The following PIEZO1 variants were observed in gnomAD, a reference collection of about 807,000 sequenced individuals.
The protein encoded by PIEZO1 is piezo-type mechanosensitive ion channel component 1.
Under a neutral mutation model 297.2 loss-of-function variants are expected in PIEZO1, and 296 were observed. The observed-to-expected ratio is 1.00, with a 90% confidence interval of 0.91 to 1.10. The LOEUF is 1.10. Ranked by LOEUF, PIEZO1 falls within the 50% of genes least tolerant of loss-of-function variation. The probability of loss-of-function intolerance (pLI) is 0.00; values close to 1 mark genes in which losing one functional copy is unlikely to be tolerated. For synonymous variants in PIEZO1, 2,427 were observed against 1,507.5 expected (o/e 1.61, Z -14.13); for missense variants, 5,018 against 3,455.5 (o/e 1.45, Z -11.34).
chr16:88,734,005 G>A lies in PIEZO1; in HGVS notation c.2230C>T (p.His744Tyr). The change falls in exon 17 of 51, where the codon CAT (histidine) becomes TAT (tyrosine). Residue 744 changes from histidine (H) to tyrosine (Y), a missense_variant. Coordinates refer to ENST00000301015, the MANE Select transcript of PIEZO1 (RefSeq NM_001142864.4). The part of the protein sequence containing the change: ...TPLLREEQQE[H>Y]QQQQQEEEEE... ...TCCTCCTCCTGCTGCTGCTGCTGATGCTCCTGCTGCTCCTCCCGCAGCAGT... is the reference window on the plus strand; with the variant it reads ...TCCTCCTCCTGCTGCTGCTGCTGATACTCCTGCTGCTCCTCCCGCAGCAGT... The A allele has an allele frequency of 6.5e-7, 1 of 1,547,158 alleles. No individual in the cohort carries two copies. The highest frequency in any genetic ancestry group is 8.7e-7 in the Non-Finnish European group (1 of 1,144,524).
chr16:88,738,019 A>G lies in PIEZO1; in HGVS notation c.935T>C (p.Val312Ala), dbSNP rs1321119221. The change falls in exon 8 of 51, where the codon GTG becomes GCG. Residue 312 changes from valine (V) to alanine (A), a missense_variant. Physicochemically the swap from Val to Ala is moderately conservative, Grantham distance 64. Coordinates refer to ENST00000301015, the MANE Select transcript of PIEZO1 (RefSeq NM_001142864.4). Reference sequence around the variant, plus strand: ...CAGGAGGACGCCGGGGCTGGCATACACAGGCCAGTCCAGGCCGGTGTTGAG... The same window carrying G: ...CAGGAGGACGCCGGGGCTGGCATACGCAGGCCAGTCCAGGCCGGTGTTGAG... The part of the protein sequence containing the change: ...LVLNTGLDWP[V>A]YASPGVLLLL... 7.2e-6 allele frequency: 11 copies of G among 1,535,660 alleles called. No homozygotes were observed. The highest frequency in any genetic ancestry group is 3.3e-4 in the Middle Eastern group (2 of 5,988).
chr16:88,718,313 A>G (rs900390730), intron 44 of PIEZO1: 2 of 152,786 alleles, frequency 1.3e-5, no homozygotes, highest in African/African-American at 2.4e-5. Context: ...TGGAGCTGCT[A>G]TGGAAAACCA....
intron 1 of PIEZO1, among the ~76,000 whole-genome samples, chr16:88,760,712 C>T (rs960941757): frequency 2.7e-5 from 4 of 146,496 alleles, no homozygotes; most frequent in Admixed American, 6.8e-5. Context: ...CCGCCTTTGA[C>T]GCAGCAGCAC....
At chr16:88,750,260 C>T (rs1055695847) in intron 1 of PIEZO1, among the ~76,000 whole-genome samples, 3 of 151,724 alleles carry the variant, frequency 2.0e-5, no homozygotes, top group South Asian at 2.1e-4. Context: ...CGCTTGAACC[C>T]GGGAGGTGGA....
rs767677400 is a variant in PIEZO1 at position 88,721,774 on chromosome 16, G to A, written c.5214+34C>T. The A allele has an allele frequency of 5.9e-6, 9 of 1,535,998 alleles. No individual in the cohort carries two copies. In the African/African-American group the frequency reaches 1.1e-4, roughly 19 times the overall value. ...CGCGGGGAGGGTCACGGCGCGGTGG[G>A]CCGGGCGCCCCCTCCCCCGCGGCCT... On this transcript the variant is annotated intron_variant, in intron 37 of 50. Coordinates refer to ENST00000301015, the MANE Select transcript of PIEZO1 (RefSeq NM_001142864.4).
Position 88,721,722 on chromosome 16 carries a change from G to A in PIEZO1, c.5219C>T (p.Ala1740Val), listed in dbSNP as rs998712810. The change falls in exon 38 of 51, where the codon GCG (alanine) becomes GTG (valine). Residue 1740 changes from alanine (A) to valine (V), a missense_variant. Ala to Val is a moderately conservative substitution (Grantham distance 64). Coordinates refer to ENST00000301015, the MANE Select transcript of PIEZO1 (RefSeq NM_001142864.4). ...WMTAIVFTEIAVVVKYLFQFG... is the reference protein window; with the variant it reads ...WMTAIVFTEIVVVVKYLFQFG... ...CTGGAACAGGTACTTGACGACCACC[G>A]CGATCTGTGGGGGAGGGGGCTCAGC... 28 of 1,540,872 alleles carry A rather than the reference G, an allele frequency of 1.8e-5. No homozygotes were observed. Among genetic ancestry groups the A allele is most frequent in the Middle Eastern group, 1.7e-4 (1 of 5,904 alleles).
chr16:88,732,818 G>C, intron 19 of PIEZO1, 86 bp from the exon 20 acceptor site: 1 of 1,356,912 alleles, frequency 7.4e-7, no homozygotes, highest in Non-Finnish European at 9.9e-7. Flanking sequence ...CACAGCTCTG[G>C]GGCAGGTCCA....
In PIEZO1 at chr16:88,725,497, G is replaced by C. The variant is rs1403720803; in HGVS notation, c.4081C>G (p.Gln1361Glu). 1 of 1,529,026 alleles carries C rather than the reference G, an allele frequency of 6.5e-7. No individual in the cohort carries two copies. The highest frequency in any genetic ancestry group is 8.8e-7 in the Non-Finnish European group (1 of 1,134,334). The allele number at this position is 1,529,026 out of a possible 1,614,324, so 94.7% of individuals were successfully genotyped here. A position where few individuals can be genotyped will look rare whatever the true frequency, so the allele number is the denominator to read the frequency against. Residue 1361 changes from glutamine to glutamate, a missense_variant, in exon 29 of 51, where the codon CAG becomes GAG. Physicochemically the swap from Gln to Glu is conservative, Grantham distance 29. Transcript: ENST00000301015. Reference protein sequence around the residue: ...KRQMERIRAKQEKHRQGRVDR... With the variant: ...KRQMERIRAKEEKHRQGRVDR... Reference sequence around the variant, plus strand: ...ACCCGGCCCTGCCTGTGCTTCTCCTGCTTGGCACGGATACGCTCCATCCTG... The same window carrying C: ...ACCCGGCCCTGCCTGTGCTTCTCCTCCTTGGCACGGATACGCTCCATCCTG...
At chr16:88,743,589 C>T (rs1180739368) in intron 2 of PIEZO1, 1 of 456,552 alleles carries the variant, frequency 2.2e-6, no homozygotes, top group Non-Finnish European at 4.4e-6. Flanking sequence ...CCACTCTGTT[C>T]AGTTTTTTGA....
intron 1 of PIEZO1, among the ~76,000 whole-genome samples, chr16:88,752,623 G>C (rs1337461500): frequency 6.6e-6 from 1 of 152,160 alleles, no homozygotes; most frequent in Admixed American, 6.5e-5. Flanking sequence ...GCTGAGGATG[G>C]AGATGAGGGA....
chr16:88,764,959 G>A (rs544930156), intron 1 of PIEZO1, among the ~76,000 whole-genome samples: 2 of 152,218 alleles, frequency 1.3e-5, no homozygotes, highest in East Asian at 1.9e-4. Context: ...AAAACCTCCC[G>A]GTAGCCGCCT....
At chr16:88,778,710 C>T (rs1907789323) in intron 1 of PIEZO1, among the ~76,000 whole-genome samples, 1 of 152,174 alleles carries the variant, frequency 6.6e-6, no homozygotes. Flanking sequence ...TCCCTGCAAC[C>T]CAGCGTCCAC....
At chr16:88,748,958 C>T in intron 2 of PIEZO1, among the ~76,000 whole-genome samples, 2 of 125,214 alleles carry the variant, frequency 1.6e-5, no homozygotes, top group Non-Finnish European at 3.4e-5. Context: ...AAAAAAAAAG[C>T]CGGGCGCGGT....
intron 1 of PIEZO1, among the ~76,000 whole-genome samples, chr16:88,776,005 G>T (rs1018838267): frequency 2.0e-5 from 3 of 152,200 alleles, no homozygotes; most frequent in African/African-American, 7.2e-5. Context: ...TCCAGCATGC[G>T]CAGCACAGGC....
At chr16:88,757,988 T>C (rs1315568740) in intron 1 of PIEZO1, among the ~76,000 whole-genome samples, 2 of 152,178 alleles carry the variant, frequency 1.3e-5, no homozygotes, top group Non-Finnish European at 2.9e-5. Flanking sequence ...CGCCACCCTC[T>C]GTGCCTCTAC....
chr16:88,730,305 G>C (rs902127831), intron 22 of PIEZO1, among the ~76,000 whole-genome samples: 1 of 152,234 alleles, frequency 6.6e-6, no homozygotes, highest in Non-Finnish European at 1.5e-5. Flanking sequence ...CAGAAAACAA[G>C]ACGGGGCCGG....
intron 1 of PIEZO1, among the ~76,000 whole-genome samples, chr16:88,783,589 T>A (rs934942260): frequency 1.3e-5 from 2 of 152,120 alleles, no homozygotes; most frequent in Non-Finnish European, 2.9e-5. Flanking sequence ...CAGGCTGTCC[T>A]GCTTGTTTTC....
chr16:88,721,364 C>A lies in PIEZO1; in HGVS notation c.5470G>T (p.Glu1824Ter), dbSNP rs776693929. The change falls in exon 39 of 51, where the codon GAG (glutamate) becomes TAG (stop). Residue 1824 changes from glutamate to a stop codon, truncating the protein, a stop_gained. Coordinates refer to ENST00000301015, the MANE Select transcript of PIEZO1 (RefSeq NM_001142864.4). LOFTEE classifies it high-confidence loss of function. ...SKEHDKSGEE[E>*]QGAEEGPGVP... Reference sequence around the variant, plus strand: ...CCTGGCCCCTCCTCGGCTCCCTGCTCCTCCTCGCCGCTCTTGTCATGCTCC... The same window carrying A: ...CCTGGCCCCTCCTCGGCTCCCTGCTACTCCTCGCCGCTCTTGTCATGCTCC... 2.6e-6 allele frequency: 4 copies of A among 1,549,340 alleles called. No individual in the cohort carries two copies. The highest frequency in any genetic ancestry group is 3.5e-6 in the Non-Finnish European group (4 of 1,146,922).
chr16:88,721,736 A>T lies in PIEZO1; in HGVS notation c.5215-10T>A. 1.3e-6 allele frequency: 2 copies of T among 1,535,784 alleles called. No individual in the cohort carries two copies. Among genetic ancestry groups the T allele is most frequent in the Non-Finnish European group, 1.8e-6 (2 of 1,140,154 alleles). ...TGACGACCACCGCGATCTGTGGGGGAGGGGGCTCAGCACGCGGGGAGGGTC... is the reference window on the plus strand; with the variant it reads ...TGACGACCACCGCGATCTGTGGGGGTGGGGGCTCAGCACGCGGGGAGGGTC... On this transcript the variant is annotated splice_polypyrimidine_tract_variant and intron_variant, in intron 37 of 50. Coordinates refer to ENST00000301015, the MANE Select transcript of PIEZO1 (RefSeq NM_001142864.4).
Sources: gnomAD v4.1 joint callset for allele counts (sites outside exome capture counted in the v4.1 genomes callset) on GRCh38, gnomAD v4.1.1 for gene constraint, MANE v1.5 for transcripts, NCBI Gene and HGNC (gene_info 2026-07-23, HGNC 2026-07-21) for gene names.